The following PIP5K1C variants were observed in gnomAD, a reference collection of about 807,000 sequenced individuals.
PIP5K1C encodes phosphatidylinositol 4-phosphate 5-kinase type-1 gamma.
In PIP5K1C, 45 loss-of-function variants were observed where a neutral mutation model predicts 80.1. That is an observed-to-expected ratio of 0.56 (90% CI 0.44 to 0.72). PIP5K1C has a LOEUF of 0.72. Among genes scored for constraint, PIP5K1C ranks in the 30% least tolerant of loss-of-function variants. PIP5K1C has a pLI of 0.00. For synonymous variants in PIP5K1C, 498 were observed against 420.1 expected (o/e 1.19, Z -2.27); for missense variants, 753 against 954.6 (o/e 0.79, Z 2.78).
intron 1 of PIP5K1C, among the ~76,000 whole-genome samples, chr19:3,675,451 C>A (rs576966133): frequency 6.6e-6 from 1 of 152,308 alleles, no homozygotes; most frequent in African/African-American, 2.4e-5. Flanking sequence ...GAGCTTCTCA[C>A]ACTGTCTGTG....
At chr19:3,698,255 A>G (rs1337998264) in intron 1 of PIP5K1C, among the ~76,000 whole-genome samples, 1 of 152,048 alleles carries the variant, frequency 6.6e-6, no homozygotes, top group Non-Finnish European at 1.5e-5. Flanking sequence ...ACGAGCGCCA[A>G]CTCATCCCAG....
In PIP5K1C at chr19:3,647,468, C is replaced by T. The variant is rs2034280351; in HGVS notation, c.1212-82G>A. ...CCTCACTCAGGGGCCACTGTGCACC[C>T]CCCAGGACACTGGGCCATGGCCTCA... On this transcript the variant is annotated intron_variant, in intron 9 of 17. Coordinates refer to ENST00000335312, the MANE Select transcript of PIP5K1C (RefSeq NM_012398.3). 5.9e-6 allele frequency: 7 copies of T among 1,180,160 alleles called. No individual in the cohort carries two copies. The South Asian group carries it at 7.8e-5, about 13-fold the overall frequency. The allele number at this position is 1,180,160 out of a possible 1,614,324, so 73.1% of individuals were successfully genotyped here. A position where few individuals can be genotyped will look rare whatever the true frequency, so the allele number is the denominator to read the frequency against.
At position 3,683,381 on chromosome 19, in the gene PIP5K1C, G is replaced by A. The variant is rs751261288; in HGVS notation, c.95-16028C>T. On this transcript the variant is annotated intron_variant, in intron 1 of 17. Transcript: ENST00000335312. ...TGGATGGGGTCAAGAGCCCAGGGGC[G>A]CAGGCTGCTTCCCGTCTCTAACCAC... 3.9e-5 allele frequency among the ~76,000 whole-genome samples: 6 copies of A among 152,290 alleles called. No individual in the cohort carries two copies. The East Asian group carries it at 5.8e-4, about 15-fold the overall frequency.
At chr19:3,658,432 A>C (rs572140408) in intron 5 of PIP5K1C, among the ~76,000 whole-genome samples, 30 of 152,246 alleles carry the variant, frequency 2.0e-4, no homozygotes, top group Non-Finnish European at 4.1e-4. Context: ...GCCCACAGCC[A>C]CGAGCCACAA....
At chr19:3,640,684 C>T (rs949781869) in intron 15 of PIP5K1C, among the ~76,000 whole-genome samples, 10 of 151,258 alleles carry the variant, frequency 6.6e-5, no homozygotes, top group African/African-American at 9.7e-5. Flanking sequence ...GCAGATCACT[C>T]GAGGTCAGTT....
chr19:3,698,736 T>G (rs1185895003), intron 1 of PIP5K1C, among the ~76,000 whole-genome samples: 1 of 152,142 alleles, frequency 6.6e-6, no homozygotes, highest in Non-Finnish European at 1.5e-5. Flanking sequence ...CCCCTTTATG[T>G]GCTCACGTCT....
chr19:3,635,932 A>G (rs961086052), intron 16 of PIP5K1C, among the ~76,000 whole-genome samples: 1 of 152,174 alleles, frequency 6.6e-6, no homozygotes, highest in Non-Finnish European at 1.5e-5. Context: ...GCGAGCCGAG[A>G]TTGTGCCACT....
chr19:3,656,478 T>C lies in PIP5K1C; in HGVS notation c.548A>G (p.Asp183Gly). The change falls in exon 6 of 18, where the codon GAC becomes GGC. Residue 183 changes from aspartate (D) to glycine (G), a missense_variant. Asp to Gly is a moderately conservative substitution (Grantham distance 94). Around this residue, in one of 6 missense-constraint regions of PIP5K1C, gnomAD observed 139 missense variants for 289.7 expected, o/e 0.48. Coordinates refer to ENST00000335312, the MANE Select transcript of PIP5K1C (RefSeq NM_012398.3). Reference sequence around the variant, plus strand: ...CATGACGGTCTTGATGATGAACTCGTCGTCGCTGGTGACGTAGAAGAGGGA... The same window carrying C: ...CATGACGGTCTTGATGATGAACTCGCCGTCGCTGGTGACGTAGAAGAGGGA... ...SGSLFYVTSD[D>G]EFIIKTVMHK... The C allele has an allele frequency of 3.1e-6, 5 of 1,613,740 alleles. No homozygotes were observed. Among genetic ancestry groups the C allele is most frequent in the Non-Finnish European group, 4.2e-6 (5 of 1,180,010 alleles).
chr19:3,643,602 T>C (rs952880925), intron 12 of PIP5K1C, among the ~76,000 whole-genome samples: 6 of 151,878 alleles, frequency 4.0e-5, no homozygotes, highest in African/African-American at 1.5e-4. Context: ...CAGAGGGCCC[T>C]GTGCAGCCTG....
intron 16 of PIP5K1C, among the ~76,000 whole-genome samples, chr19:3,638,401 C>G (rs1380042387): frequency 6.6e-6 from 1 of 152,200 alleles, no homozygotes; most frequent in East Asian, 1.9e-4. Flanking sequence ...CGGCCCTCCT[C>G]AAGGATAAGC....
intron 1 of PIP5K1C, among the ~76,000 whole-genome samples, chr19:3,667,981 C>A (rs1057262813): frequency 6.6e-6 from 1 of 152,188 alleles, no homozygotes; most frequent in Non-Finnish European, 1.5e-5. Context: ...CTGCCGCCCT[C>A]CCTGCCCCTC....
chr19:3,646,082 C>A, intron 10 of PIP5K1C, 24 bp from the exon 11 acceptor site: 1 of 1,501,152 alleles, frequency 6.7e-7, no homozygotes, highest in South Asian at 1.1e-5. Flanking sequence ...GGGGGGGGTG[C>A]CCGGGGGCAG....
intron 1 of PIP5K1C, among the ~76,000 whole-genome samples, chr19:3,682,710 A>T (rs1206255141): frequency 1.3e-5 from 2 of 152,026 alleles, no homozygotes; most frequent in Non-Finnish European, 2.9e-5. Flanking sequence ...AAAAAATAAA[A>T]AATAAAGAGC....
Position 3,639,996 on chromosome 19 carries a change from G to A in PIP5K1C, c.1788-980C>T, listed in dbSNP as rs550005206. On this transcript the variant is annotated intron_variant, in intron 15 of 17. Coordinates refer to ENST00000335312, the MANE Select transcript of PIP5K1C (RefSeq NM_012398.3). ...CTTTCAGCAAAACCTGAAATTTCAC[G>A]GTGCAAGGTTTGGCAATGGCAAAGA... Among the ~76,000 whole-genome samples the A allele has an allele frequency of 1.6e-4, 25 of 152,282 alleles. 1 individual carries two copies. The South Asian group carries it at 1.9e-3, about 11-fold the overall frequency.
chr19:3,660,054 CA>C (rs1362732267), intron 5 of PIP5K1C, among the ~76,000 whole-genome samples: 1 of 152,140 alleles, frequency 6.6e-6, no homozygotes, highest in Non-Finnish European at 1.5e-5. Context: ...GGTGATGGCG[CA>C]GGTTGGATGC....
intron 1 of PIP5K1C, among the ~76,000 whole-genome samples, chr19:3,687,568 TGCACAC>T (rs1024119265): frequency 1.3e-5 from 2 of 149,448 alleles, no homozygotes; most frequent in African/African-American, 2.5e-5. Flanking sequence ...CGCACACACA[TGCACAC>T]GCACACACAT....
intron 5 of PIP5K1C, 142 bp downstream of exon 5, chr19:3,660,824 G>C: frequency 1.5e-6 from 1 of 686,760 alleles, no homozygotes; most frequent in Non-Finnish European, 2.7e-6. Flanking sequence ...AGTCTCACAG[G>C]AGACTCCGGC....
intron 2 of PIP5K1C, among the ~76,000 whole-genome samples, 166 bp downstream of exon 2, chr19:3,667,156 C>T (rs887785508): frequency 7.9e-5 from 12 of 152,206 alleles, no homozygotes; most frequent in Admixed American, 2.6e-4. Flanking sequence ...CCTCTCAAGA[C>T]GCAGTTGGTG....
At chr19:3,676,810 T>G (rs1664458136) in intron 1 of PIP5K1C, among the ~76,000 whole-genome samples, 2 of 152,210 alleles carry the variant, frequency 1.3e-5, no homozygotes, top group African/African-American at 2.4e-5. Context: ...GAGACTGCTT[T>G]TACTTTAAAA....
Sources: gnomAD v4.1 joint callset for allele counts (sites outside exome capture counted in the v4.1 genomes callset) on GRCh38, gnomAD v4.1.1 for gene constraint, gnomAD v4.1.1 regional missense constraint, MANE v1.5 for transcripts, NCBI Gene and HGNC (gene_info 2026-07-23, HGNC 2026-07-21) for gene names.